Variants in KCNH7 observed in about 807,000 individuals in gnomAD.
The protein encoded by KCNH7 is potassium voltage-gated channel subfamily H member 7.
A neutral mutation model predicts 120.8 loss-of-function variants in KCNH7; 49 were observed. That is an observed-to-expected ratio of 0.41 (90% CI 0.32 to 0.51). KCNH7 has a LOEUF of 0.51. KCNH7 is among the 20% of genes least tolerant of loss of function. The pLI, the probability that KCNH7 is intolerant of heterozygous loss-of-function variation, is 0.38. For synonymous variants in KCNH7, 547 were observed against 516.1 expected (o/e 1.06, Z -0.81); for missense variants, 1,097 against 1,446.6 (o/e 0.76, Z 3.92).
At chr2:162,600,665 G>A (rs1014363775) in intron 2 of KCNH7, among the ~76,000 whole-genome samples, 1 of 152,076 alleles carries the variant, frequency 6.6e-6, no homozygotes, top group African/African-American at 2.4e-5. Context: ...GGAATATGGG[G>A]CAAATAAGAT....
At chr2:162,721,437 G>A (rs1053714683) in intron 2 of KCNH7, among the ~76,000 whole-genome samples, 3 of 152,048 alleles carry the variant, frequency 2.0e-5, no homozygotes, top group African/African-American at 7.2e-5. Context: ...ATAAGTGAAA[G>A]ATACTAAAAG....
At chr2:162,491,040 C>T (rs1183299861) in intron 6 of KCNH7, among the ~76,000 whole-genome samples, 4 of 152,144 alleles carry the variant, frequency 2.6e-5, no homozygotes, top group Non-Finnish European at 4.4e-5. Context: ...CCACGCAGGA[C>T]AGGAATAAGC....
chr2:162,478,011 G>A (rs1212384508), intron 6 of KCNH7, among the ~76,000 whole-genome samples: 2 of 152,196 alleles, frequency 1.3e-5, no homozygotes, highest in African/African-American at 4.8e-5. Context: ...CATCTCAATT[G>A]TGATATGTGT....
At chr2:162,652,241 G>A (rs1312682809) in intron 2 of KCNH7, among the ~76,000 whole-genome samples, 2 of 152,050 alleles carry the variant, frequency 1.3e-5, no homozygotes, top group Non-Finnish European at 2.9e-5. Flanking sequence ...TGTATTCTTG[G>A]GAAAAATCTA....
chr2:162,662,032 G>A (rs2105279625), intron 2 of KCNH7, among the ~76,000 whole-genome samples: 1 of 152,232 alleles, frequency 6.6e-6, no homozygotes, highest in African/African-American at 2.4e-5. Context: ...GGGAGGCAGA[G>A]GTGGGTGGAT....
At chr2:162,711,238 C>T (rs1686919560) in intron 2 of KCNH7, among the ~76,000 whole-genome samples, 1 of 152,222 alleles carries the variant, frequency 6.6e-6, no homozygotes, top group Non-Finnish European at 1.5e-5. Context: ...GAGCAATAAT[C>T]TAGATGTTAT....
intron 2 of KCNH7, among the ~76,000 whole-genome samples, chr2:162,612,817 A>G: frequency 6.6e-6 from 1 of 152,184 alleles, no homozygotes; most frequent in Middle Eastern, 3.4e-3. Context: ...TTATAGAAAT[A>G]AAAATAATAA....
chr2:162,472,588 G>C (rs887833496), intron 6 of KCNH7, among the ~76,000 whole-genome samples: 5 of 152,092 alleles, frequency 3.3e-5, no homozygotes, highest in African/African-American at 1.2e-4. Context: ...GTCAGGAAAC[G>C]ACAGGTGCTG....
chr2:162,662,207 G>C (rs1450465378), intron 2 of KCNH7, among the ~76,000 whole-genome samples: 1 of 152,098 alleles, frequency 6.6e-6, no homozygotes, highest in Non-Finnish European at 1.5e-5. Flanking sequence ...AGGTTGCAGT[G>C]AGCCACAATC....
At chr2:162,748,072 T>C (rs1238173876) in intron 2 of KCNH7, among the ~76,000 whole-genome samples, 1 of 152,228 alleles carries the variant, frequency 6.6e-6, no homozygotes, top group Non-Finnish European at 1.5e-5. Flanking sequence ...AAGAATATTT[T>C]ACAATGAAAA....
At chr2:162,390,002 C>T (rs1364588362) in intron 12 of KCNH7, among the ~76,000 whole-genome samples, 1 of 151,936 alleles carries the variant, frequency 6.6e-6, no homozygotes, top group Non-Finnish European at 1.5e-5. Flanking sequence ...ACTTAGCACA[C>T]AGTGGGTACT....
intron 2 of KCNH7, among the ~76,000 whole-genome samples, chr2:162,833,586 G>A (rs1223864805): frequency 6.6e-6 from 1 of 152,122 alleles, no homozygotes; most frequent in African/African-American, 2.4e-5. Flanking sequence ...AGGAAGAGCT[G>A]TCAAATATTC....
rs1688568901 is a variant in KCNH7, at chr2:162,446,185, TAAAC to T, written c.1383_1386del (p.Met461IlefsTer3). 1 of 1,613,632 alleles carries T rather than the reference TAAAC, an allele frequency of 6.2e-7. No individual in the cohort carries two copies. The highest frequency in any genetic ancestry group is 1.3e-5 in the African/African-American group (1 of 74,920). Reference sequence around the variant, plus strand: ...CTGAAGTTTATTAAAATATCTATGATAAACATAATATCCACAATCAAGTCTACCA... The same window carrying T: ...CTGAAGTTTATTAAAATATCTATGATATAATATCCACAATCAAGTCTACCA... On this transcript the variant is annotated frameshift_variant, in exon 7 of 16. Transcript: ENST00000332142. LOFTEE classifies it high-confidence loss of function.
At chr2:162,622,981 C>T (rs1335507819) in intron 2 of KCNH7, among the ~76,000 whole-genome samples, 1 of 152,002 alleles carries the variant, frequency 6.6e-6, no homozygotes. Flanking sequence ...ACCTAATTAG[C>T]CCAAAGATAG....
chr2:162,459,919 C>A (rs1180462162), intron 6 of KCNH7, among the ~76,000 whole-genome samples: 1 of 151,808 alleles, frequency 6.6e-6, no homozygotes, highest in Admixed American at 6.6e-5. Context: ...CATGGTGAAA[C>A]CCCATCTCTA....
chr2:162,483,358 C>T (rs965257091), intron 6 of KCNH7, among the ~76,000 whole-genome samples: 3 of 152,080 alleles, frequency 2.0e-5, no homozygotes, highest in Non-Finnish European at 4.4e-5. Flanking sequence ...CTATTTCCTC[C>T]ATCCACGGGA....
At chr2:162,413,691 CAT>C (rs369898524) in intron 9 of KCNH7, among the ~76,000 whole-genome samples, 242 of 151,928 alleles carry the variant, frequency 1.6e-3, no homozygotes, top group African/African-American at 5.4e-3. Flanking sequence ...GGAAATGACT[CAT>C]ATATTCCAAA....
chr2:162,544,908 T>G (rs1692427214), intron 2 of KCNH7, among the ~76,000 whole-genome samples: 1 of 152,156 alleles, frequency 6.6e-6, no homozygotes, highest in Non-Finnish European at 1.5e-5. Flanking sequence ...GGAATTAAAG[T>G]GTTTAAGAAT....
chr2:162,461,448 G>T (rs1344682330), intron 6 of KCNH7, among the ~76,000 whole-genome samples: 2 of 152,150 alleles, frequency 1.3e-5, no homozygotes, highest in East Asian at 1.9e-4. Context: ...AATAAGTGAT[G>T]ATTACTATCA....
Sources: gnomAD v4.1 joint callset for allele counts (sites outside exome capture counted in the v4.1 genomes callset) on GRCh38, gnomAD v4.1.1 for gene constraint, MANE v1.5 for transcripts, NCBI Gene and HGNC (gene_info 2026-07-23, HGNC 2026-07-21) for gene names.